Variants in PHF20 observed in about 807,000 individuals in gnomAD.
The protein encoded by PHF20 is PHD finger protein 20.
A neutral mutation model predicts 113.5 loss-of-function variants in PHF20; 23 were observed. The ratio of observed to expected loss-of-function variants is 0.20; its 90% CI spans 0.15 to 0.29. The LOEUF is 0.29. Among genes scored for constraint, PHF20 ranks in the 10% least tolerant of loss-of-function variants. The pLI, the probability that PHF20 is intolerant of heterozygous loss-of-function variation, is 1.00. For missense variants in PHF20, 943 were observed against 1,219.6 expected (o/e 0.77, Z 3.38); for synonymous variants, 434 against 457.3 (o/e 0.95, Z 0.65).
chr20:35,883,347 TACAG>T (rs1234291864), intron 9 of PHF20, among the ~76,000 whole-genome samples: 1 of 152,232 alleles, frequency 6.6e-6, no homozygotes, highest in Non-Finnish European at 1.5e-5. Flanking sequence ...CTCCCTGTTT[TACAG>T]ACAAAGAGCC....
rs573781243 is a variant in PHF20 at position 35,777,241 on chromosome 20, A to G, written c.-33+5162A>G. On this transcript the variant is annotated intron_variant, in intron 1 of 17. Coordinates refer to ENST00000374012, the MANE Select transcript of PHF20 (RefSeq NM_016436.5). Reference sequence around the variant, plus strand: ...ACTTGTCAGTTCTCTTATCTAATGTATACTTAAAAAGGGACTTCATTTCCT... The same window carrying G: ...ACTTGTCAGTTCTCTTATCTAATGTGTACTTAAAAAGGGACTTCATTTCCT... Among the ~76,000 whole-genome samples, 16 of 152,302 alleles carry G rather than the reference A, an allele frequency of 1.1e-4. No individual in the cohort carries two copies. The South Asian group carries it at 3.1e-3, about 30-fold the overall frequency.
intron 3 of PHF20, among the ~76,000 whole-genome samples, chr20:35,843,233 A>C (rs1292424016): frequency 2.0e-5 from 3 of 151,888 alleles, no homozygotes; most frequent in Non-Finnish European, 4.4e-5. Flanking sequence ...TTAAGTGATC[A>C]TTCTGGCCAG....
rs377680728 is a variant in PHF20, at chr20:35,801,477, A to G, written c.-32-14A>G. 7.3e-7 allele frequency: 1 copy of G among 1,372,228 alleles called. No homozygotes were observed. Among genetic ancestry groups the G allele is most frequent in the Non-Finnish European group, 1.0e-6 (1 of 966,236 alleles). 85.0% of individuals were successfully genotyped at this position (1,372,228 alleles called of 1,614,324 possible). On this transcript the variant is annotated splice_polypyrimidine_tract_variant and intron_variant, in intron 1 of 17. Coordinates refer to ENST00000374012, the MANE Select transcript of PHF20 (RefSeq NM_016436.5). ...TTTGCCTAAGTTTCATAAATATTTAATTGGCTTTTTCAGGAGAATAAAGGC... is the reference window on the plus strand; with the variant it reads ...TTTGCCTAAGTTTCATAAATATTTAGTTGGCTTTTTCAGGAGAATAAAGGC...
chr20:35,940,924 G>A lies in PHF20; in HGVS notation c.2773G>A (p.Asp925Asn). ...AGAAGCCCCTGCTCGGAAGCTGCTGGACAGAGGTGGAGAGGGGCTGCTGAG... is the reference window on the plus strand; with the variant it reads ...AGAAGCCCCTGCTCGGAAGCTGCTGAACAGAGGTGGAGAGGGGCTGCTGAG... ...PEEAPARKLL[D>N]RGGEGLLSSQ... Residue 925 changes from aspartate to asparagine, a missense_variant, in exon 17 of 18, where the codon GAC becomes AAC. Asp to Asn is a conservative substitution (Grantham distance 23). Around this residue, in one of 3 missense-constraint regions of PHF20, gnomAD observed 349 missense variants for 412.3 expected, o/e 0.85. Coordinates refer to ENST00000374012, the MANE Select transcript of PHF20 (RefSeq NM_016436.5). 1.2e-6 allele frequency: 2 copies of A among 1,614,204 alleles called. No homozygotes were observed. Among genetic ancestry groups the A allele is most frequent in the South Asian group, 1.1e-5 (1 of 91,080 alleles).
chr20:35,795,630 A>G (rs1822472398), intron 1 of PHF20, among the ~76,000 whole-genome samples: 1 of 152,124 alleles, frequency 6.6e-6, no homozygotes, highest in East Asian at 1.9e-4. Context: ...CATTATCCCC[A>G]TATCATAAGT....
At position 35,820,670 on chromosome 20, in the gene PHF20, C is replaced by T. The variant is rs529922486; in HGVS notation, c.83+19065C>T. Among the ~76,000 whole-genome samples, 707 of 151,906 alleles carry T rather than the reference C, an allele frequency of 4.7e-3. 6 individuals carry two copies. The highest frequency in any genetic ancestry group is 7.2e-3 in the Non-Finnish European group (486 of 67,942). ...TTCACTGTGTTAGCCAGGTTAGTCT[C>T]GATCTCCTGACCTCGTGATCTGCCT... On this transcript the variant is annotated intron_variant, in intron 2 of 17. Coordinates refer to ENST00000374012, the MANE Select transcript of PHF20 (RefSeq NM_016436.5).
intron 9 of PHF20, among the ~76,000 whole-genome samples, chr20:35,890,517 A>G (rs2054829410): frequency 6.6e-6 from 1 of 152,220 alleles, no homozygotes. Flanking sequence ...GATTGTTTTG[A>G]GCAAACAACT....
intron 10 of PHF20, among the ~76,000 whole-genome samples, chr20:35,904,606 T>C (rs1280734735): frequency 6.6e-6 from 1 of 152,096 alleles, no homozygotes; most frequent in Non-Finnish European, 1.5e-5. Flanking sequence ...GAAAGTACCC[T>C]GCAGAGATTT....
intron 9 of PHF20, among the ~76,000 whole-genome samples, chr20:35,882,226 T>C (rs1176930283): frequency 6.6e-6 from 1 of 152,172 alleles, no homozygotes; most frequent in Non-Finnish European, 1.5e-5. Flanking sequence ...TTATATACCA[T>C]AGAATGTTAT....
At chr20:35,896,885 C>CT (rs1371604158) in intron 9 of PHF20, among the ~76,000 whole-genome samples, 1 of 149,088 alleles carries the variant, frequency 6.7e-6, no homozygotes, top group African/African-American at 2.5e-5. Context: ...GCTTATTTGT[C>CT]TTTTAGGGTC....
intron 4 of PHF20, among the ~76,000 whole-genome samples, chr20:35,847,800 T>C (rs1482861111): frequency 6.6e-6 from 1 of 152,124 alleles, no homozygotes; most frequent in Non-Finnish European, 1.5e-5. Context: ...ACTAACAAAC[T>C]TTAAAAAATG....
At chr20:35,850,305 T>TG (rs1391132373) in intron 4 of PHF20, among the ~76,000 whole-genome samples, 88 of 106,454 alleles carry the variant, frequency 8.3e-4, no homozygotes, top group Non-Finnish European at 1.3e-3. Flanking sequence ...CGTTTTTTTT[T>TG]TTTTTTTTTT....
Position 35,940,847 on chromosome 20 carries a change from T to G in PHF20, c.2713-17T>G. 6.2e-7 allele frequency: 1 copy of G among 1,602,498 alleles called. No homozygotes were observed. Among genetic ancestry groups the G allele is most frequent in the Non-Finnish European group, 8.5e-7 (1 of 1,174,624 alleles). ...GGCTATCTCCATTCAGTAATTTCCA[T>G]GCCATTGCATCCCCAGGTGAAGGAA... On this transcript the variant is annotated splice_polypyrimidine_tract_variant and intron_variant, in intron 16 of 17. Transcript: ENST00000374012.
At chr20:35,795,410 T>C (rs1001428383) in intron 1 of PHF20, among the ~76,000 whole-genome samples, 1 of 151,836 alleles carries the variant, frequency 6.6e-6, no homozygotes, top group Non-Finnish European at 1.5e-5. Context: ...AATTTCTGTA[T>C]TTTTTTAGTA....
intron 1 of PHF20, among the ~76,000 whole-genome samples, chr20:35,789,489 A>G (rs569273211): frequency 6.6e-6 from 1 of 151,594 alleles, no homozygotes; most frequent in East Asian, 1.9e-4. Context: ...TCGGAACTGC[A>G]GGGTGTTTGG....
chr20:35,794,613 C>T (rs1431069278), intron 1 of PHF20, among the ~76,000 whole-genome samples: 1 of 152,176 alleles, frequency 6.6e-6, no homozygotes, highest in African/African-American at 2.4e-5. Flanking sequence ...AAAGCCTGTT[C>T]TGTAGTTTCT....
In PHF20 at chr20:35,940,959, C is replaced by T. The variant is rs2055966322; in HGVS notation, c.2808C>T (p.His936=). ...GAGAGGGGCTGCTGAGCTCCCAGCACCAGTGGCAGTTTAACCTGCTGACCC... is the reference window on the plus strand; with the variant it reads ...GAGAGGGGCTGCTGAGCTCCCAGCATCAGTGGCAGTTTAACCTGCTGACCC... ...RGGEGLLSSQ[H]QWQFNLLTHV... Residue 936 remains histidine (H), a synonymous_variant, in exon 17 of 18, where the codon CAC becomes CAT. Coordinates refer to ENST00000374012, the MANE Select transcript of PHF20 (RefSeq NM_016436.5). 1 of 1,613,880 alleles carries T rather than the reference C, an allele frequency of 6.2e-7. No individual in the cohort carries two copies. The highest frequency in any genetic ancestry group is 1.7e-5 in the Admixed American group (1 of 59,994).
chr20:35,946,078 G>GGAGAAT (rs775780117), intron 17 of PHF20, among the ~76,000 whole-genome samples: 7 of 152,148 alleles, frequency 4.6e-5, no homozygotes, highest in Non-Finnish European at 8.8e-5. Flanking sequence ...GGCTGAGGCA[G>GGAGAAT]GAGAATCGCC....
chr20:35,833,345 T>C (rs1009160333), intron 2 of PHF20, among the ~76,000 whole-genome samples: 7 of 152,164 alleles, frequency 4.6e-5, no homozygotes, highest in Non-Finnish European at 1.5e-5. Flanking sequence ...AGGTTGAATT[T>C]TAGATGAGAG....
Sources: allele counts gnomAD v4.1 joint callset (sites outside exome capture counted in the v4.1 genomes callset), GRCh38; gene constraint gnomAD v4.1.1; regional missense constraint gnomAD v4.1.1; transcripts MANE v1.5; gene names NCBI Gene and HGNC (gene_info 2026-07-23, HGNC 2026-07-21).